THRA: variants seen among roughly 807,000 people sequenced by gnomAD.
THRA encodes thyroid hormone receptor alpha.
THRA carries 13 observed loss-of-function variants against 45.0 expected under a neutral mutation model. The ratio of observed to expected loss-of-function variants is 0.29; its 90% CI spans 0.19 to 0.46. The LOEUF (loss-of-function observed/expected upper bound fraction) is 0.46, where lower values mean the gene tolerates loss of function less well. Among genes scored for constraint, THRA ranks in the 20% least tolerant of loss-of-function variants. THRA has a pLI of 1.00. For missense variants in THRA, 278 were observed against 556.1 expected (o/e 0.50, Z 5.03); for synonymous variants, 195 against 214.0 (o/e 0.91, Z 0.78).
upstream of THRA, chr17:40,062,570 T>C (rs966113699): frequency 2.6e-5 from 4 of 152,138 alleles, no homozygotes; most frequent in Non-Finnish European, 4.4e-5. Flanking sequence ...TCGTCGATAC[T>C]TCCTCCTCCA....
downstream of THRA, chr17:40,093,548 C>T (rs1598401604): frequency 1.8e-6 from 2 of 1,119,044 alleles, no homozygotes; most frequent in East Asian, 2.6e-5. The surrounding 1 kb of genome is among the most constrained non-coding windows in gnomAD (Gnocchi z 5.9). Flanking sequence ...CCAAACATGG[C>T]CAGACTCCCT....
downstream of THRA, chr17:40,093,846 A>G (rs1257896505): frequency 5.5e-6 from 8 of 1,452,494 alleles, no homozygotes; most frequent in Non-Finnish European, 7.7e-6. The surrounding 1 kb of genome is among the most constrained non-coding windows in gnomAD (Gnocchi z 5.9). Flanking sequence ...TAGGTACTCC[A>G]TAAAAGGTGT....
intron 4 of THRA, among the ~76,000 whole-genome samples, chr17:40,083,169 C>A (rs113548288): frequency 6.6e-6 from 1 of 151,560 alleles, no homozygotes; most frequent in East Asian, 2.0e-4. Flanking sequence ...CCTTGTGATC[C>A]GCCTGCCTCA....
intron 4 of THRA, among the ~76,000 whole-genome samples, chr17:40,082,516 C>T (rs1409234618): frequency 2.0e-5 from 3 of 151,584 alleles, no homozygotes; most frequent in Admixed American, 2.0e-4. Flanking sequence ...ATTACAGGGG[C>T]AGGCCCAGCT....
At chr17:40,087,989 G>T (rs565967413) in intron 7 of THRA, among the ~76,000 whole-genome samples, 1 of 152,270 alleles carries the variant, frequency 6.6e-6, no homozygotes, top group Non-Finnish European at 1.5e-5. Flanking sequence ...TCGAACTCCT[G>T]ACCTCAAGTG....
At chr17:40,079,311 A>C (rs1285629391) in intron 4 of THRA, among the ~76,000 whole-genome samples, 2 of 151,956 alleles carry the variant, frequency 1.3e-5, no homozygotes, top group Non-Finnish European at 2.9e-5. Context: ...CAGTGGTGCA[A>C]TCTTGGCTCA....
chr17:40,071,085 C>G (rs1230106083), intron 1 of THRA, among the ~76,000 whole-genome samples: 1 of 151,842 alleles, frequency 6.6e-6, no homozygotes, highest in Non-Finnish European at 1.5e-5. Context: ...CCCTCTTTCC[C>G]CCACCAGCCT....
chr17:40,082,757 G>GC lies in THRA; in HGVS notation c.223-1077dup, dbSNP rs200282774. On this transcript the variant is annotated intron_variant, in intron 4 of 8. Coordinates refer to ENST00000450525, the MANE Select transcript of THRA (RefSeq NM_199334.5). ...TAACTGCTACACTATAGAATCGCAT[G>GC]CTTTTTTTTTTTTTTTTTTTTTTTT... Among the ~76,000 whole-genome samples, 310 of 108,118 alleles carry GC rather than the reference G, an allele frequency of 2.9e-3. 13 individuals carry two copies. The highest frequency in any genetic ancestry group is 4.1e-3 in the Non-Finnish European group (220 of 53,154). 70.9% of individuals were successfully genotyped at this position (108,118 alleles called of 152,430 possible).
At chr17:40,075,657 TC>T (rs1195235598) in intron 2 of THRA, among the ~76,000 whole-genome samples, 1 of 151,626 alleles carries the variant, frequency 6.6e-6, no homozygotes, top group Non-Finnish European at 1.5e-5. Flanking sequence ...CTGCAACCCC[TC>T]CCCCATCACC....
intron 2 of THRA, among the ~76,000 whole-genome samples, chr17:40,076,413 A>G (rs150281664): frequency 3.9e-5 from 6 of 152,266 alleles, no homozygotes; most frequent in South Asian, 4.1e-4. Context: ...TTTCACAGGT[A>G]TGTTGGCCCT....
chr17:40,062,551 G>A (rs7502233), upstream of THRA: 106,448 of 151,978 alleles, frequency 0.7, 37,806 homozygotes, highest in African/African-American at 0.81. Context: ...TGTATAAGGT[G>A]CAGGCTGCTC....
chr17:40,088,760 C>A lies in THRA; in HGVS notation c.982+260C>A, dbSNP rs78890383. Among the ~76,000 whole-genome samples the A allele has an allele frequency of 2.7e-4, 41 of 152,024 alleles. 1 individual carries two copies. In the East Asian group the frequency reaches 7.7e-3, roughly 29 times the overall value. ...CCTTCTCGCTGCCCTGTCCCTCTGTCACTCACATTCCCCTTTGTTCCCCAC... is the reference window on the plus strand; with the variant it reads ...CCTTCTCGCTGCCCTGTCCCTCTGTAACTCACATTCCCCTTTGTTCCCCAC... On this transcript the variant is annotated intron_variant, in intron 8 of 8. Coordinates refer to ENST00000450525, the MANE Select transcript of THRA (RefSeq NM_199334.5).
intron 1 of THRA, among the ~76,000 whole-genome samples, chr17:40,073,884 A>G (rs750826708): frequency 6.5e-4 from 99 of 152,266 alleles, no homozygotes; most frequent in Admixed American, 2.5e-3. Context: ...CTAGTGTTTA[A>G]TAGTTGCTCA....
intron 3 of THRA, 48 bp downstream of exon 3, chr17:40,076,986 A>C: frequency 6.3e-7 from 1 of 1,592,328 alleles, no homozygotes; most frequent in Non-Finnish European, 8.6e-7. Context: ...AACCCCACCA[A>C]ACCCAGCCAG....
At position 40,074,497 on chromosome 17, in the gene THRA, G is replaced by A; in HGVS notation, c.9G>A (p.Gln3=). The change falls in exon 2 of 9, where the codon CAG becomes CAA. Residue 3 remains glutamine, a synonymous_variant. Coordinates refer to ENST00000450525, the MANE Select transcript of THRA (RefSeq NM_199334.5). The part of the protein sequence containing the change: ME[Q]KPSKVECGSD... ...GGATGGAATTGAAGTGAATGGAACA[G>A]AAGCCAAGCAAGGTGGAGTGTGGGT... 2 of 1,614,130 alleles carry A rather than the reference G, an allele frequency of 1.2e-6. No homozygotes were observed. Among genetic ancestry groups the A allele is most frequent in the Non-Finnish European group, 8.5e-7 (1 of 1,179,972 alleles).
intron 4 of THRA, among the ~76,000 whole-genome samples, chr17:40,079,135 G>A (rs1205449216): frequency 6.6e-6 from 1 of 152,146 alleles, no homozygotes; most frequent in East Asian, 1.9e-4. Context: ...CTGAAAGAGC[G>A]AGAGCCAGTA....
At chr17:40,065,928 A>G (rs1161094465) in intron 1 of THRA, among the ~76,000 whole-genome samples, 1 of 152,228 alleles carries the variant, frequency 6.6e-6, no homozygotes, top group East Asian at 1.9e-4. Flanking sequence ...CAAGCTGGAA[A>G]AGAACCGCCC....
intron 7 of THRA, among the ~76,000 whole-genome samples, chr17:40,087,432 A>C (rs935482352): frequency 7.3e-5 from 11 of 151,122 alleles, no homozygotes; most frequent in Non-Finnish European, 1.0e-4. Context: ...ACACACACAC[A>C]CCTAGCAGAC....
rs568848633 is a variant in THRA, at chr17:40,065,908, C to A, written c.-298+2816C>A. 4.6e-3 allele frequency among the ~76,000 whole-genome samples: 695 copies of A among 152,362 alleles called. 4 individuals carry two copies. Among genetic ancestry groups the A allele is most frequent in the African/African-American group, 0.016 (656 of 41,586 alleles). On this transcript the variant is annotated intron_variant, in intron 1 of 8. Transcript: ENST00000450525. Reference sequence around the variant, plus strand: ...AAACAAGCCATGAAGAGGCTCCCCCCACACTGGCCCAAGCTGGAAAAGAAC... The same window carrying A: ...AAACAAGCCATGAAGAGGCTCCCCCAACACTGGCCCAAGCTGGAAAAGAAC...
Sources: allele counts gnomAD v4.1 joint callset (sites outside exome capture counted in the v4.1 genomes callset), GRCh38; gene constraint gnomAD v4.1.1; non-coding constraint Gnocchi (gnomAD v3.1); transcripts MANE v1.5; gene names NCBI Gene and HGNC (gene_info 2026-07-23, HGNC 2026-07-21).